The following LRP4 variants were observed in gnomAD, a reference collection of about 807,000 sequenced individuals.
LRP4 encodes the protein low-density lipoprotein receptor-related protein 4.
LRP4 carries 95 observed loss-of-function variants against 220.3 expected under a neutral mutation model. The observed-to-expected ratio is 0.43, with a 90% CI of 0.37 to 0.51. The LOEUF (loss-of-function observed/expected upper bound fraction) is 0.51. LRP4 is among the 20% of genes least tolerant of loss of function. LRP4 has a pLI of 0.00. For missense variants in LRP4, 1,925 were observed against 2,567.0 expected (o/e 0.75, Z 5.40); for synonymous variants, 903 against 954.6 (o/e 0.95, Z 1.00).
chr11:46,867,322 A>C (rs1241818762), intron 34 of LRP4, among the ~76,000 whole-genome samples: 1 of 152,194 alleles, frequency 6.6e-6, no homozygotes, highest in Admixed American at 6.5e-5. Context: ...CAGCCCAGAG[A>C]CTACTGTTGG....
intron 25 of LRP4, among the ~76,000 whole-genome samples, 195 bp downstream of exon 25, chr11:46,876,271 T>G (rs1466903590): frequency 6.6e-6 from 1 of 151,960 alleles, no homozygotes; most frequent in Non-Finnish European, 1.5e-5. Flanking sequence ...CCTGGTATTC[T>G]GATTCAAGGC....
Position 46,902,768 on chromosome 11 carries a change from T to C in LRP4, c.199+15A>G. 6.2e-7 allele frequency: 1 copy of C among 1,613,578 alleles called. No homozygotes were observed. The highest frequency in any genetic ancestry group is 1.3e-5 in the African/African-American group (1 of 75,048). ...CCTCTCCACCACCTCCCACTGCCTCTGGGGAGGTACTTACTACATCCATCC... is the reference window on the plus strand; with the variant it reads ...CCTCTCCACCACCTCCCACTGCCTCCGGGGAGGTACTTACTACATCCATCC... On this transcript the variant is annotated intron_variant, in intron 2 of 37. Transcript: ENST00000378623.
chr11:46,883,858 G>A lies in LRP4; in HGVS notation c.2612+13C>T. 1 of 1,606,546 alleles carries A rather than the reference G, an allele frequency of 6.2e-7. No individual in the cohort carries two copies. The highest frequency in any genetic ancestry group is 8.5e-7 in the Non-Finnish European group (1 of 1,173,200). ...GGGTGGATGGAGCTCATTCCCAAGG[G>A]GCAGCCACTCACCCGCCCATGGGTT... On this transcript the variant is annotated intron_variant, in intron 19 of 37. Coordinates refer to ENST00000378623, the MANE Select transcript of LRP4 (RefSeq NM_002334.4).
At position 46,875,079 on chromosome 11, in the gene LRP4, T is replaced by C. The variant is rs1940972243; in HGVS notation, c.3950A>G (p.Asn1317Ser). 6.2e-7 allele frequency: 1 copy of C among 1,613,456 alleles called. No homozygotes were observed. Among genetic ancestry groups the C allele is most frequent in the Non-Finnish European group, 8.5e-7 (1 of 1,180,034 alleles). Residue 1317 changes from asparagine (N) to serine (S), a missense_variant, in exon 28 of 38, where the codon AAT (asparagine) becomes AGT (serine). Physicochemically the swap from Asn to Ser is conservative, Grantham distance 46 (BLOSUM62 1). This residue lies in a region of LRP4 where 1,244 missense variants were observed against 1,624.9 expected (regional missense o/e 0.77). Coordinates refer to ENST00000378623, the MANE Select transcript of LRP4 (RefSeq NM_002334.4). This position sits in a 1 kb window ranked among gnomAD's most constrained non-coding sequence, Gnocchi z 4.5. ...CAAGCAGAGGTGGGAGCAGCCGCCATTTCTCGAGCCGCACTTGTTAAAACC... is the reference window on the plus strand; with the variant it reads ...CAAGCAGAGGTGGGAGCAGCCGCCACTTCTCGAGCCGCACTTGTTAAAACC... ...PLGFNKCGSR[N>S]GGCSHLCLPR...
At chr11:46,910,747 T>G (rs937536248) in intron 1 of LRP4, among the ~76,000 whole-genome samples, 1 of 133,694 alleles carries the variant, frequency 7.5e-6, no homozygotes, top group Non-Finnish European at 1.5e-5. Flanking sequence ...AATCTCAGCT[T>G]ACTGCAACTT....
rs1940791139 is a variant in LRP4 at position 46,869,116 on chromosome 11, T to G, written c.4709A>C (p.Tyr1570Ser). 6.2e-7 allele frequency: 1 copy of G among 1,614,038 alleles called. No individual in the cohort carries two copies. The highest frequency in any genetic ancestry group is 8.5e-7 in the Non-Finnish European group (1 of 1,180,026). ...TGACTTGGTCTGCCAGTCTGTCCAG[T>G]AGATCCACCTGTCTTGCTACTCAAC... ...FALTQQDRWI[Y>S]WTDWQTKSIQ... Residue 1570 changes from tyrosine (Y) to serine (S), a missense_variant, in exon 32 of 38, where the codon TAC (tyrosine) becomes TCC (serine). Transcript: ENST00000378623.
chr11:46,911,955 ACCTCAG>A (rs956076637), intron 1 of LRP4, among the ~76,000 whole-genome samples: 8 of 144,114 alleles, frequency 5.6e-5, no homozygotes, highest in African/African-American at 7.7e-5. Context: ...CGATTCTCCC[ACCTCAG>A]CCTCAGCCTC....
intron 25 of LRP4, 47 bp downstream of exon 25, chr11:46,876,419 C>T (rs746668605): frequency 1.9e-6 from 3 of 1,610,876 alleles, no homozygotes; most frequent in Admixed American, 3.3e-5. Flanking sequence ...ATAACCCCAG[C>T]TGAGCTGGCC....
rs1337968713 is a variant in LRP4 at position 46,895,043 on chromosome 11, G to A, written c.1309+123C>T. On this transcript the variant is annotated intron_variant, in intron 11 of 37. Transcript: ENST00000378623. Reference sequence around the variant, plus strand: ...TTTTCTTGGGGCTCAGAATGCAACTGTTGCTGCATTTTACTGTGACAGAAA... The same window carrying A: ...TTTTCTTGGGGCTCAGAATGCAACTATTGCTGCATTTTACTGTGACAGAAA... 7 of 1,409,852 alleles carry A rather than the reference G, an allele frequency of 5.0e-6. No homozygotes were observed. In the South Asian group the frequency reaches 5.8e-5, roughly 12 times the overall value. The allele number at this position is 1,409,852 out of a possible 1,614,324, so 87.3% of individuals were successfully genotyped here.
chr11:46,885,855 T>C (rs1941279508), intron 18 of LRP4, among the ~76,000 whole-genome samples: 1 of 151,720 alleles, frequency 6.6e-6, no homozygotes, highest in South Asian at 2.1e-4. Context: ...TGAAATGCCT[T>C]AAAACACTCC....
chr11:46,909,465 C>A, intron 1 of LRP4, among the ~76,000 whole-genome samples: 1 of 16,320 alleles, frequency 6.1e-5, no homozygotes, highest in African/African-American at 2.0e-4. Context: ...AGTAGCCGGG[C>A]GCGGTAGCGG....
chr11:46,864,454 A>C lies in LRP4; in HGVS notation c.5237T>G (p.Leu1746Arg), dbSNP rs1268900104. 6.2e-7 allele frequency: 1 copy of C among 1,612,498 alleles called. No homozygotes were observed. The highest frequency in any genetic ancestry group is 8.5e-7 in the Non-Finnish European group (1 of 1,178,596). The change falls in exon 36 of 38, where the codon CTG becomes CGG. Residue 1746 changes from leucine to arginine, a missense_variant. Around this residue, in one of 3 missense-constraint regions of LRP4, gnomAD observed 1,244 missense variants for 1,624.9 expected, o/e 0.77. Coordinates refer to ENST00000378623, the MANE Select transcript of LRP4 (RefSeq NM_002334.4). ...GTAGCAAGACTGAAGTTACCTGTAC[A>C]GCATCAAAGCTGCAATCACCACCAA... ...LILVVIAALM[L>R]YRHKKSKFTD...
chr11:46,862,796 G>A (rs780699280), intron 36 of LRP4, 49 bp from the exon 37 acceptor site: 1 of 1,566,912 alleles, frequency 6.4e-7, no homozygotes, highest in Non-Finnish European at 8.8e-7. Flanking sequence ...TTAAGGGGAT[G>A]ATACCTGGGA....
chr11:46,879,065 T>C (rs1021542817), intron 21 of LRP4, 27 bp from the exon 22 acceptor site: 21 of 1,614,040 alleles, frequency 1.3e-5, no homozygotes, highest in Non-Finnish European at 1.7e-5. Context: ...GGATGTTCAA[T>C]GGGGAGAGCT....
chr11:46,893,422 C>T (rs1941463035), intron 12 of LRP4, among the ~76,000 whole-genome samples: 1 of 152,176 alleles, frequency 6.6e-6, no homozygotes, highest in African/African-American at 2.4e-5. Context: ...GACGCATTCC[C>T]AGGGTCCCCC....
rs757571646 is a variant in LRP4, at chr11:46,875,906, G to A, written c.3597C>T (p.Gly1199=). 4 of 1,613,992 alleles carry A rather than the reference G, an allele frequency of 2.5e-6. No homozygotes were observed. Among genetic ancestry groups the A allele is most frequent in the Non-Finnish European group, 3.4e-6 (4 of 1,180,042 alleles). ...NAKLERSGMD[G]SDRAVLINNN... ...TGTTGATGAGCACCGCGCGGTCTGA[G>A]CCATCCATTCCGGACCGCTCTAACT... The change falls in exon 26 of 38, where the codon GGC becomes GGT. Residue 1199 remains glycine (G), a synonymous_variant. Coordinates refer to ENST00000378623, the MANE Select transcript of LRP4 (RefSeq NM_002334.4). The surrounding 1 kb of genome is among the most constrained non-coding windows in gnomAD (Gnocchi z 4.5).
At chr11:46,894,883 C>T (rs1592540754) in intron 11 of LRP4, 64 bp from the exon 12 acceptor site, 2 of 1,401,122 alleles carry the variant, frequency 1.4e-6, no homozygotes, top group East Asian at 4.6e-5. Flanking sequence ...TACCCATCAG[C>T]AGGTCTTCAG....
At chr11:46,886,269 GC>G (rs1941290723) in intron 17 of LRP4, 55 bp downstream of exon 17, 7 of 1,599,108 alleles carry the variant, frequency 4.4e-6, no homozygotes, top group Non-Finnish European at 6.0e-6. Context: ...GGTATGGGAA[GC>G]CCTTCCCTGG....
chr11:46,872,991 C>G, intron 30 of LRP4, 109 bp downstream of exon 30: 1 of 1,436,548 alleles, frequency 7.0e-7, no homozygotes, highest in South Asian at 1.2e-5. Context: ...ATTCCTCTTC[C>G]CCACATACCA....
Sources: allele counts gnomAD v4.1 joint callset (sites outside exome capture counted in the v4.1 genomes callset), GRCh38; gene constraint gnomAD v4.1.1; regional missense constraint gnomAD v4.1.1; non-coding constraint Gnocchi (gnomAD v3.1); transcripts MANE v1.5; gene names NCBI Gene and HGNC (gene_info 2026-07-23, HGNC 2026-07-21).